AGBL4: variants seen among roughly 807,000 people sequenced by gnomAD.
AGBL4 encodes cytosolic carboxypeptidase 6.
In AGBL4, 58 loss-of-function variants were observed where a neutral mutation model predicts 66.4. The observed-to-expected ratio is 0.87, with a 90% confidence interval of 0.71 to 1.09. The LOEUF (loss-of-function observed/expected upper bound fraction) is 1.09, where lower values mean the gene tolerates loss of function less well. AGBL4 is among the 50% of genes least tolerant of loss of function. The pLI, the probability that AGBL4 is intolerant of heterozygous loss-of-function variation, is 0.00. For synonymous variants in AGBL4, 234 were observed against 222.9 expected (o/e 1.05, Z -0.44); for missense variants, 579 against 631.0 (o/e 0.92, Z 0.88).
intron 3 of AGBL4, among the ~76,000 whole-genome samples, chr1:49,665,035 C>T (rs1364471277): frequency 6.6e-6 from 1 of 152,120 alleles, no homozygotes; most frequent in East Asian, 1.9e-4. Context: ...GGTAGAGTTA[C>T]TCTTAAATGA....
chr1:49,319,042 A>C (rs184843109), intron 3 of AGBL4, among the ~76,000 whole-genome samples: 76 of 152,314 alleles, frequency 5.0e-4, no homozygotes, highest in African/African-American at 1.6e-3. Context: ...AGACAGGGTT[A>C]GATTGGCTCT....
At chr1:48,591,098 CCA>C (rs71908705) in intron 9 of AGBL4, 113 bp from the exon 10 acceptor site, 320 of 661,298 alleles carry the variant, frequency 4.8e-4, no homozygotes, top group Middle Eastern at 1.8e-3. Context: ...CCACCCCCCC[CCA>C]CACACACACA....
intron 9 of AGBL4, among the ~76,000 whole-genome samples, chr1:48,607,894 C>A (rs958056033): frequency 7.9e-5 from 12 of 152,256 alleles, no homozygotes; most frequent in Non-Finnish European, 1.6e-4. Context: ...ATCATTTAAT[C>A]CTTATGACAA....
At chr1:49,540,444 C>T (rs1315920852) in intron 3 of AGBL4, among the ~76,000 whole-genome samples, 1 of 152,152 alleles carries the variant, frequency 6.6e-6, no homozygotes, top group East Asian at 1.9e-4. Context: ...GCTACAGTTA[C>T]TGTGGATGTG....
intron 5 of AGBL4, among the ~76,000 whole-genome samples, chr1:48,892,352 T>C (rs1356341728): frequency 6.6e-6 from 1 of 152,228 alleles, no homozygotes; most frequent in Non-Finnish European, 1.5e-5. Flanking sequence ...AAAGACCTTT[T>C]CTCTTTTTTC....
At chr1:49,391,594 C>T (rs1225967447) in intron 3 of AGBL4, among the ~76,000 whole-genome samples, 4 of 144,442 alleles carry the variant, frequency 2.8e-5, no homozygotes, top group Admixed American at 7.1e-5. Flanking sequence ...CGGAGTCTCG[C>T]TCTATCGCCC....
chr1:49,949,170 T>A (rs1184869623), intron 1 of AGBL4, among the ~76,000 whole-genome samples: 3 of 151,556 alleles, frequency 2.0e-5, no homozygotes, highest in Non-Finnish European at 3.0e-5. Context: ...TCCTCATCTC[T>A]CATCTTATAC....
chr1:49,433,303 G>A (rs546461235), intron 3 of AGBL4, among the ~76,000 whole-genome samples: 23 of 152,276 alleles, frequency 1.5e-4, no homozygotes, highest in African/African-American at 4.6e-4. Context: ...TGTGACTGGC[G>A]TAGGAAGTGG....
intron 2 of AGBL4, among the ~76,000 whole-genome samples, chr1:49,820,443 G>A (rs1223549555): frequency 6.6e-6 from 1 of 152,136 alleles, no homozygotes; most frequent in Non-Finnish European, 1.5e-5. Context: ...AAAGGATTGA[G>A]TTTTCCAAAT....
intron 4 of AGBL4, among the ~76,000 whole-genome samples, chr1:49,152,752 A>T (rs767206855): frequency 7.9e-5 from 12 of 152,256 alleles, no homozygotes; most frequent in Non-Finnish European, 1.5e-4. Context: ...GGAGATGAAC[A>T]ATATGCCAAT....
At chr1:49,471,707 C>A (rs1192366733) in intron 3 of AGBL4, among the ~76,000 whole-genome samples, 1 of 151,906 alleles carries the variant, frequency 6.6e-6, no homozygotes, top group Admixed American at 6.6e-5. Flanking sequence ...AGGAAAGAGG[C>A]AGCCCAACAA....
At chr1:49,629,536 A>C (rs1216244641) in intron 3 of AGBL4, among the ~76,000 whole-genome samples, 1 of 152,152 alleles carries the variant, frequency 6.6e-6, no homozygotes, top group Non-Finnish European at 1.5e-5. Flanking sequence ...TGGGTTGTTC[A>C]TGGACCCAGC....
intron 2 of AGBL4, 27 bp downstream of exon 2, chr1:49,851,369 A>G (rs1646299334): frequency 6.6e-7 from 1 of 1,523,794 alleles, no homozygotes; most frequent in African/African-American, 1.4e-5. Flanking sequence ...AGACAAACTT[A>G]AAAGGAAAAG....
chr1:49,959,695 G>A (rs1186689138), intron 1 of AGBL4, among the ~76,000 whole-genome samples: 3 of 151,988 alleles, frequency 2.0e-5, no homozygotes, highest in Non-Finnish European at 4.4e-5. Context: ...ATACCCAAAG[G>A]GATATAAATT....
intron 1 of AGBL4, among the ~76,000 whole-genome samples, chr1:50,010,237 G>A (rs1337451405): frequency 1.3e-5 from 2 of 151,816 alleles, no homozygotes; most frequent in Non-Finnish European, 2.9e-5. Flanking sequence ...AACCTGGGAG[G>A]CAGAGGTTGC....
intron 4 of AGBL4, among the ~76,000 whole-genome samples, chr1:49,185,464 C>A (rs536808515): frequency 2.0e-5 from 3 of 152,308 alleles, no homozygotes; most frequent in African/African-American, 4.8e-5. Flanking sequence ...AAGAATACAA[C>A]AAACCCTCCT....
chr1:49,424,592 C>T (rs762161049), intron 3 of AGBL4, among the ~76,000 whole-genome samples: 21 of 152,098 alleles, frequency 1.4e-4, no homozygotes, highest in Non-Finnish European at 2.9e-5. Context: ...ATTTATACAA[C>T]GAAATGTGTG....
chr1:49,380,802 C>T (rs920054646), intron 3 of AGBL4, among the ~76,000 whole-genome samples: 6 of 152,124 alleles, frequency 3.9e-5, no homozygotes, highest in Non-Finnish European at 7.4e-5. Context: ...ATGTAGACAG[C>T]TGAAACTGGA....
intron 3 of AGBL4, 57 bp downstream of exon 3, chr1:49,697,256 A>T (rs1429168883): frequency 6.7e-7 from 1 of 1,483,106 alleles, no homozygotes; most frequent in Admixed American, 2.0e-5. Context: ...CTAAAAGAAG[A>T]CAAAAGCATA....
Sources: gnomAD v4.1 joint callset for allele counts (sites outside exome capture counted in the v4.1 genomes callset) on GRCh38, gnomAD v4.1.1 for gene constraint, MANE v1.5 for transcripts, NCBI Gene and HGNC (gene_info 2026-07-23, HGNC 2026-07-21) for gene names.